Variants in ASCC2 observed in about 807,000 individuals in gnomAD.
ASCC2 encodes the protein activating signal cointegrator 1 complex subunit 2.
In ASCC2, 42 loss-of-function variants were observed where a neutral mutation model predicts 93.5. The ratio of observed to expected loss-of-function variants is 0.45; its 90% CI spans 0.35 to 0.58. The LOEUF (loss-of-function observed/expected upper bound fraction) is 0.58. ASCC2 is among the 20% of genes least tolerant of loss of function. The pLI is 0.00. For synonymous variants in ASCC2, 364 were observed against 384.2 expected (o/e 0.95, Z 0.62); for missense variants, 859 against 977.6 (o/e 0.88, Z 1.62).
chr22:29,829,833 T>C (rs1253836933), intron 2 of ASCC2, among the ~76,000 whole-genome samples: 1 of 152,100 alleles, frequency 6.6e-6, no homozygotes, highest in East Asian at 1.9e-4. Flanking sequence ...ACAAGACTAT[T>C]TCTTTTGGGT....
At chr22:29,835,694 A>G (rs555421411) in intron 1 of ASCC2, among the ~76,000 whole-genome samples, 1 of 152,320 alleles carries the variant, frequency 6.6e-6, no homozygotes, top group Admixed American at 6.5e-5. Context: ...TCAACCCAAT[A>G]CCTGGCACAT....
In ASCC2 at chr22:29,818,403, T is replaced by TACAC. The variant is rs35685093; in HGVS notation, c.542-2334_542-2331dup. On this transcript the variant is annotated intron_variant, in intron 5 of 19. Coordinates refer to ENST00000307790, the MANE Select transcript of ASCC2 (RefSeq NM_032204.5). ...TCCCTTCTCTGCATCACTCCCTGCC[T>TACAC]ACACACACACACACACACACACACA... 3.5e-3 allele frequency among the ~76,000 whole-genome samples: 380 copies of TACAC among 108,002 alleles called. 12 individuals carry two copies. Among genetic ancestry groups the TACAC allele is most frequent in the South Asian group, 4.7e-3 (10 of 2,108 alleles). 70.9% of individuals were successfully genotyped at this position (108,002 alleles called of 152,430 possible).
chr22:29,817,259 A>C (rs960544969), intron 5 of ASCC2, among the ~76,000 whole-genome samples: 1 of 151,418 alleles, frequency 6.6e-6, no homozygotes, highest in African/African-American at 2.4e-5. Context: ...CCCACTTCCT[A>C]CTCCTGATAG....
intron 1 of ASCC2, among the ~76,000 whole-genome samples, chr22:29,834,890 G>C (rs1298584612): frequency 6.6e-6 from 1 of 152,108 alleles, no homozygotes; most frequent in African/African-American, 2.4e-5. Context: ...TGGAAAGTGA[G>C]CTGGAAACAC....
chr22:29,821,112 G>A (rs928542556), intron 5 of ASCC2, among the ~76,000 whole-genome samples: 3 of 152,090 alleles, frequency 2.0e-5, no homozygotes, highest in African/African-American at 4.8e-5. Flanking sequence ...TCACTGGGGC[G>A]CTCCCTCTGT....
intron 10 of ASCC2, 66 bp from the exon 11 acceptor site, chr22:29,806,619 C>A (rs914765467): frequency 1.3e-6 from 2 of 1,517,666 alleles, no homozygotes; most frequent in African/African-American, 2.8e-5. Context: ...CCTTTACACA[C>A]CCGCTGCCCC....
chr22:29,816,102 G>A (rs2060819141), intron 5 of ASCC2, 29 bp from the exon 6 acceptor site: 3 of 1,553,386 alleles, frequency 1.9e-6, no homozygotes, highest in Non-Finnish European at 1.8e-6. Flanking sequence ...GGTTGGAATT[G>A]AGAAAAGGTG....
intron 2 of ASCC2, among the ~76,000 whole-genome samples, chr22:29,827,159 C>CT (rs1003897929): frequency 8.0e-4 from 117 of 145,374 alleles, no homozygotes; most frequent in South Asian, 6.2e-3. Context: ...CTGTTCTTTC[C>CT]TTTTTTTTTG....
intron 13 of ASCC2, among the ~76,000 whole-genome samples, chr22:29,804,357 C>T (rs574669146): frequency 3.9e-5 from 6 of 152,278 alleles, no homozygotes; most frequent in East Asian, 1.9e-4. Context: ...CTCATGGAAA[C>T]GTTCATGGAA....
rs748689977 is a variant in ASCC2, at chr22:29,790,467, AC to A, written c.2102+1del. On this transcript the variant is annotated splice_donor_variant, in intron 19 of 19. Transcript: ENST00000307790. LOFTEE classifies it high-confidence loss of function. ...CCCAGAAGCAGCCCCTTGAATGCTCACCCTTTCTTGGCGAGAAAGGCCATGC... is the reference window on the plus strand; with the variant it reads ...CCCAGAAGCAGCCCCTTGAATGCTCACCTTTCTTGGCGAGAAAGGCCATGC... 1 of 1,613,920 alleles carries A rather than the reference AC, an allele frequency of 6.2e-7. No homozygotes were observed. The highest frequency in any genetic ancestry group is 8.5e-7 in the Non-Finnish European group (1 of 1,179,936).
intron 15 of ASCC2, 94 bp from the exon 16 acceptor site, chr22:29,793,770 C>T (rs2058075603): frequency 8.4e-7 from 1 of 1,185,792 alleles, no homozygotes; most frequent in East Asian, 2.6e-5. Flanking sequence ...CTTAACTGCT[C>T]CAGCCCTCAG....
In ASCC2 at chr22:29,794,406, C is replaced by T. The variant is rs556086008; in HGVS notation, c.1689-730G>A. On this transcript the variant is annotated intron_variant, in intron 15 of 19. Coordinates refer to ENST00000307790, the MANE Select transcript of ASCC2 (RefSeq NM_032204.5). The stretch of plus-strand genomic sequence containing the variant: ...ACACGGGAGGCTGAGCCAGGAGAAT[C>T]GCTTGAAGCTGGGAAGTGGAGGTTG... 1.6e-4 allele frequency among the ~76,000 whole-genome samples: 24 copies of T among 151,832 alleles called. 1 individual carries two copies. The highest frequency in any genetic ancestry group is 5.3e-4 in the African/African-American group (22 of 41,462).
chr22:29,813,350 A>G, intron 8 of ASCC2, 80 bp downstream of exon 8: 1 of 1,073,452 alleles, frequency 9.3e-7, no homozygotes, highest in Non-Finnish European at 1.4e-6. Flanking sequence ...CCCAGTAAAT[A>G]TTTGTTAAAT....
At chr22:29,797,420 A>C (rs2147519972) in intron 15 of ASCC2, among the ~76,000 whole-genome samples, 1 of 152,322 alleles carries the variant, frequency 6.6e-6, no homozygotes, top group South Asian at 2.1e-4. Flanking sequence ...CAGGTGAAGA[A>C]TCAGGGGATC....
At chr22:29,807,592 G>A (rs1365258964) in intron 9 of ASCC2, among the ~76,000 whole-genome samples, 1 of 152,146 alleles carries the variant, frequency 6.6e-6, no homozygotes, top group Non-Finnish European at 1.5e-5. Flanking sequence ...CCTTCACGGT[G>A]TTTAGTAACA....
At chr22:29,789,209 C>T (rs201748529) in intron 19 of ASCC2, 25 bp from the exon 20 acceptor site, 14 of 1,613,650 alleles carry the variant, frequency 8.7e-6, no homozygotes, top group East Asian at 2.2e-5. Context: ...ACCCACCCCA[C>T]GAGAACCTGT....
chr22:29,827,795 C>G (rs1208981057), intron 2 of ASCC2, among the ~76,000 whole-genome samples: 1 of 88,158 alleles, frequency 1.1e-5, no homozygotes, highest in South Asian at 2.7e-4. Context: ...CACACACAAC[C>G]AGGCTACTCA....
At chr22:29,826,403 A>G (rs1210684154) in intron 2 of ASCC2, among the ~76,000 whole-genome samples, 1 of 151,792 alleles carries the variant, frequency 6.6e-6, no homozygotes, top group African/African-American at 2.4e-5. Context: ...GGCAGCCTCT[A>G]CCTCCTGGGC....
At position 29,804,697 on chromosome 22, in the gene ASCC2, C is replaced by G. The variant is rs1360755784; in HGVS notation, c.1294G>C (p.Val432Leu). 6.2e-7 allele frequency: 1 copy of G among 1,614,178 alleles called. No homozygotes were observed. Among genetic ancestry groups the G allele is most frequent in the Admixed American group, 1.7e-5 (1 of 60,028 alleles). Residue 432 changes from valine (V) to leucine (L), a missense_variant, in exon 13 of 20, where the codon GTG (valine) becomes CTG (leucine). Coordinates refer to ENST00000307790, the MANE Select transcript of ASCC2 (RefSeq NM_032204.5). Reference protein sequence around the residue: ...EPNGEPNGVTVTAEAVSQASS... With the variant: ...EPNGEPNGVTLTAEAVSQASS... ...GCTTGACTGACTGCCTCTGCTGTCA[C>G]CGTGACCCCGTTAGGCTCCCCATTA...
Sources: allele counts gnomAD v4.1 joint callset (sites outside exome capture counted in the v4.1 genomes callset), GRCh38; gene constraint gnomAD v4.1.1; transcripts MANE v1.5; gene names NCBI Gene and HGNC (gene_info 2026-07-23, HGNC 2026-07-21).